The following MBD6 variants were observed in gnomAD, a reference collection of about 807,000 sequenced individuals.
MBD6 encodes methyl-CpG binding domain protein 6.
In MBD6, 22 loss-of-function variants were observed where a neutral mutation model predicts 66.8. That is an observed-to-expected ratio of 0.33 (90% CI 0.24 to 0.47). The LOEUF (loss-of-function observed/expected upper bound fraction) is 0.47, where lower values mean the gene tolerates loss of function less well. Ranked by LOEUF, MBD6 falls within the 20% of genes least tolerant of loss-of-function variation. The pLI, the probability that MBD6 is intolerant of heterozygous loss-of-function variation, is 1.00. For synonymous variants in MBD6, 540 were observed against 534.6 expected, an observed-to-expected ratio of 1.01 and a Z score of -0.14; for missense variants, 1,322 against 1,286.9, an observed-to-expected ratio of 1.03 and a Z score of -0.42.
rs769079831 is a variant in MBD6 at position 57,528,475 on chromosome 12, A to G, written c.2735A>G (p.His912Arg). 2.5e-6 allele frequency: 4 copies of G among 1,613,852 alleles called. No individual in the cohort carries two copies. In the East Asian group the frequency reaches 6.7e-5, roughly 27 times the overall value. Reference sequence around the variant, plus strand: ...GAAAGGTCCCCAAGAAGAACCCACCATTGGCAGCATAATGGGGAGCTGGCT... The same window carrying G: ...GAAAGGTCCCCAAGAAGAACCCACCGTTGGCAGCATAATGGGGAGCTGGCT... ...QMERSPRRTH[H>R]WQHNGELAEG... The change falls in exon 10 of 13, where the codon CAT becomes CGT. Residue 912 changes from histidine (H) to arginine (R), a missense_variant. Coordinates refer to ENST00000355673, the MANE Select transcript of MBD6 (RefSeq NM_052897.4).
At position 57,529,431 on chromosome 12, in the gene MBD6, A is replaced by ACCCCCCCCCCCCCCCCCC. The variant is rs1459762262; in HGVS notation, c.*204_*205insCCCCCCCCCCCCCCCCCC. The ACCCCCCCCCCCCCCCCCC allele has an allele frequency of 2.6e-6, 1 of 387,854 alleles. No homozygotes were observed. Among genetic ancestry groups the ACCCCCCCCCCCCCCCCCC allele is most frequent in the Admixed American group, 4.2e-5 (1 of 23,714 alleles). The allele number at this position is 387,854 out of a possible 1,614,324, so 24.0% of individuals were successfully genotyped here. ...GCAGGGAAGTTCACCCCCCCCCACCACCCCCCCGCCCCCCCGAAGCCATGT... is the reference window on the plus strand; with the variant it reads ...GCAGGGAAGTTCACCCCCCCCCACCACCCCCCCCCCCCCCCCCCCCCCCCCGCCCCCCCGAAGCCATGT... On this transcript the variant is annotated 3_prime_UTR_variant, in exon 13 of 13. Coordinates refer to ENST00000355673, the MANE Select transcript of MBD6 (RefSeq NM_052897.4).
Position 57,525,894 on chromosome 12 carries a change from C to T in MBD6, c.926C>T (p.Thr309Met), listed in dbSNP as rs375142933. The part of the protein sequence containing the change: ...LVLGPLGGAP[T>M]VEGPGAPPFL... ...CTGGGGCCCCTGGGAGGGGCCCCCA[C>T]GGTGGAGGGGCCTGGGGCACCCCCC... Residue 309 changes from threonine to methionine, a missense_variant, in exon 6 of 13, where the codon ACG becomes ATG. By Grantham distance (81) the Thr-to-Met change is moderately conservative (BLOSUM62 -1). Coordinates refer to ENST00000355673, the MANE Select transcript of MBD6 (RefSeq NM_052897.4). 109 of 1,612,742 alleles carry T rather than the reference C, an allele frequency of 6.8e-5. No individual in the cohort carries two copies. The Middle Eastern group carries it at 8.2e-4, about 12-fold the overall frequency.
chr12:57,526,209 C>A lies in MBD6; in HGVS notation c.1241C>A (p.Ser414Tyr). 6.2e-7 allele frequency: 1 copy of A among 1,614,168 alleles called. No homozygotes were observed. Among genetic ancestry groups the A allele is most frequent in the Non-Finnish European group, 8.5e-7 (1 of 1,180,030 alleles). Residue 414 changes from serine (S) to tyrosine (Y), a missense_variant, in exon 6 of 13, where the codon TCC becomes TAC. Coordinates refer to ENST00000355673, the MANE Select transcript of MBD6 (RefSeq NM_052897.4). ...CAACCAATTCTCCCTTCTGTGCTGTCCCTGCTGGGACTCCCCACCCCTGGC... is the reference window on the plus strand; with the variant it reads ...CAACCAATTCTCCCTTCTGTGCTGTACCTGCTGGGACTCCCCACCCCTGGC... ...PSQPILPSVL[S>Y]LLGLPTPGPS...
Position 57,526,713 on chromosome 12 carries a change from C to G in MBD6, c.1568C>G (p.Pro523Arg). The G allele has an allele frequency of 6.4e-7, 1 of 1,550,602 alleles. No homozygotes were observed. Among genetic ancestry groups the G allele is most frequent in the Non-Finnish European group, 8.7e-7 (1 of 1,146,996 alleles). Residue 523 changes from proline to arginine, a missense_variant, in exon 7 of 13, where the codon CCT (proline) becomes CGT (arginine). Transcript: ENST00000355673. The part of the protein sequence containing the change: ...AGGEAFPFPS[P>R]EQGLALSGAG... ...GGAGAGGCTTTCCCTTTCCCCAGCCCTGAGCAGGGCCTGGCACTGAGTGGA... is the reference window on the plus strand; with the variant it reads ...GGAGAGGCTTTCCCTTTCCCCAGCCGTGAGCAGGGCCTGGCACTGAGTGGA...
chr12:57,529,223 C>G lies in MBD6; in HGVS notation c.3001C>G (p.Leu1001Val), dbSNP rs1306104943. ...TCCTGCCAAAAACAAGAGGAGGAAA[C>G]TGGCCCCATAGCAGCCATACCTGGA... ...GRPAKNKRRK[L>V]AP Residue 1001 changes from leucine to valine, a missense_variant, in exon 13 of 13, where the codon CTG (leucine) becomes GTG (valine). By Grantham distance (32) the Leu-to-Val change is conservative. Coordinates refer to ENST00000355673, the MANE Select transcript of MBD6 (RefSeq NM_052897.4). 7 of 1,613,986 alleles carry G rather than the reference C, an allele frequency of 4.3e-6. 1 individual carries two copies. The African/African-American group carries it at 6.7e-5, about 15-fold the overall frequency.
Position 57,526,262 on chromosome 12 carries a change from C to G in MBD6, c.1294C>G (p.Leu432Val). The change falls in exon 6 of 13, where the codon CTT (leucine) becomes GTT (valine). Residue 432 changes from leucine (L) to valine (V), a missense_variant. Leu to Val is a conservative substitution (Grantham distance 32). Coordinates refer to ENST00000355673, the MANE Select transcript of MBD6 (RefSeq NM_052897.4). ...GPSHSDGSFN[L>V]LGSDAHLPPP... ...TTCCCACTCTGATGGAAGCTTTAAC[C>G]TTTTGGGGTCAGATGCACACCTTCC... 1 of 1,613,980 alleles carries G rather than the reference C, an allele frequency of 6.2e-7. No homozygotes were observed.
downstream of MBD6, chr12:57,530,573 C>T: frequency 1.1e-6 from 1 of 886,864 alleles, no homozygotes; most frequent in Non-Finnish European, 1.8e-6. Flanking sequence ...ACCCTTGCCC[C>T]CAGTGTCAAA....
chr12:57,527,075 G>A lies in MBD6; in HGVS notation c.1930G>A (p.Gly644Arg). The A allele has an allele frequency of 1.2e-6, 2 of 1,602,930 alleles. No individual in the cohort carries two copies. Among genetic ancestry groups the A allele is most frequent in the South Asian group, 1.1e-5 (1 of 90,056 alleles). ...TAGDGEGSAEGAGGPSGEPFS... is the reference protein window; with the variant it reads ...TAGDGEGSAERAGGPSGEPFS... ...TGGGGATGGGGAGGGATCTGCAGAG[G>A]GAGCCGGGGGTCCAAGTGGGGAGCC... The change falls in exon 7 of 13, where the codon GGA becomes AGA. Residue 644 changes from glycine to arginine, a missense_variant. By Grantham distance (125) the Gly-to-Arg change is moderately radical. Transcript: ENST00000355673.
chr12:57,523,672 T>G (rs2140068753), intron 1 of MBD6, among the ~76,000 whole-genome samples: 1 of 152,278 alleles, frequency 6.6e-6, no homozygotes, highest in African/African-American at 2.4e-5. Context: ...TCTTCCTGGG[T>G]AGAGAACAAC....
downstream of MBD6, chr12:57,530,541 A>G (rs1565674395): frequency 2.9e-6 from 2 of 679,002 alleles, no homozygotes; most frequent in Admixed American, 5.6e-5. Context: ...GGGGAGGGGT[A>G]TAAACCCCAC....
chr12:57,531,131 T>C (rs1187163306), downstream of MBD6, among the ~76,000 whole-genome samples: 1 of 152,206 alleles, frequency 6.6e-6, no homozygotes, highest in African/African-American at 2.4e-5. Context: ...CTAAGTCCTT[T>C]ATATATTTTT....
rs775580349 is a variant in MBD6, at chr12:57,526,174, G to A, written c.1206G>A (p.Pro402=). 35 of 1,613,906 alleles carry A rather than the reference G, an allele frequency of 2.2e-5. 1 individual carries two copies. The Admixed American group carries it at 2.3e-4, about 11-fold the overall frequency. Residue 402 remains proline, a synonymous_variant, in exon 6 of 13, where the codon CCG becomes CCA. Transcript: ENST00000355673. The part of the protein sequence containing the change: ...PAPVPQPFSL[P]EPSQPILPSV... ...CTGTCCCCCAACCCTTTTCTCTCCC[G>A]GAGCCATCCCAACCAATTCTCCCTT...
At chr12:57,521,044 C>A (rs778019832), upstream of MBD6, 1 of 152,464 alleles carries the variant, frequency 6.6e-6, no homozygotes, top group Non-Finnish European at 1.5e-5. Flanking sequence ...GCCGTTTTAC[C>A]CCCACTATAA....
Position 57,527,150 on chromosome 12 carries a change from G to GC in MBD6, c.2012dup (p.Thr672TyrfsTer45), listed in dbSNP as rs750430563. 26 of 1,533,804 alleles carry GC rather than the reference G, an allele frequency of 1.7e-5. No homozygotes were observed. Among genetic ancestry groups the GC allele is most frequent in the East Asian group, 4.5e-5 (2 of 44,084 alleles). On this transcript the variant is annotated frameshift_variant, in exon 7 of 13. Transcript: ENST00000355673. LOFTEE classifies it high-confidence loss of function. ...CCCCCTACTTTTCCCCCCACTTTCA[G>GC]CCCCCCCTACCCTCATAGCTTTAAA...
rs925832000 is a variant in MBD6, at chr12:57,530,021, C to CCTTTT, written c.*793_*797dup. On this transcript the variant is annotated 3_prime_UTR_variant, in exon 13 of 13. Coordinates refer to ENST00000355673, the MANE Select transcript of MBD6 (RefSeq NM_052897.4). ...CCAGCTGTCCAGGGGCTGCCTCCTGCCTTTTCTTTTGTAAAGACAAGACCC... is the reference window on the plus strand; with the variant it reads ...CCAGCTGTCCAGGGGCTGCCTCCTGCCTTTTCTTTTCTTTTGTAAAGACAAGACCC... The CCTTTT allele has an allele frequency of 2.0e-5, 3 of 152,636 alleles. No homozygotes were observed. The highest frequency in any genetic ancestry group is 7.2e-5 in the African/African-American group (3 of 41,448). 9.5% of individuals were successfully genotyped at this position (152,636 alleles called of 1,614,324 possible). A position where few individuals can be genotyped will look rare whatever the true frequency, so the allele number is the denominator to read the frequency against.
rs1159403723 is a variant in MBD6 at position 57,525,564 on chromosome 12, G to A, written c.596G>A (p.Ser199Asn). ...GACCCAGTCCCTTCTGGGGGCAGTAGCAGCCCCCGTTTCCTCCCAAGGGGC... is the reference window on the plus strand; with the variant it reads ...GACCCAGTCCCTTCTGGGGGCAGTAACAGCCCCCGTTTCCTCCCAAGGGGC... The part of the protein sequence containing the change: ...LADPVPSGGS[S>N]SPRFLPRGNA... The change falls in exon 6 of 13, where the codon AGC (serine) becomes AAC (asparagine). Residue 199 changes from serine (S) to asparagine (N), a missense_variant. Ser to Asn is a conservative substitution (Grantham distance 46). Transcript: ENST00000355673. The A allele has an allele frequency of 6.2e-7, 1 of 1,608,506 alleles. No individual in the cohort carries two copies. Among genetic ancestry groups the A allele is most frequent in the Non-Finnish European group, 8.5e-7 (1 of 1,176,974 alleles).
intron 1 of MBD6, 63 bp downstream of exon 1, chr12:57,523,074 C>G (rs1319434206): frequency 2.1e-5 from 3 of 144,950 alleles, no homozygotes; most frequent in Admixed American, 1.4e-4. Context: ...CCCTCTGCCC[C>G]CTCCGCGTCC....
In MBD6 at chr12:57,526,548, T is replaced by G. The variant is rs1321986826; in HGVS notation, c.1421-18T>G. Reference sequence around the variant, plus strand: ...AGAAAGGGCCTCCCTTGAGCTGAATTTCTCTCCTCTTTTACAGGTGCCCCT... The same window carrying G: ...AGAAAGGGCCTCCCTTGAGCTGAATGTCTCTCCTCTTTTACAGGTGCCCCT... On this transcript the variant is annotated intron_variant, in intron 6 of 12. Coordinates refer to ENST00000355673, the MANE Select transcript of MBD6 (RefSeq NM_052897.4). The G allele has an allele frequency of 2.0e-6, 3 of 1,510,638 alleles. No individual in the cohort carries two copies. In the South Asian group the frequency reaches 4.1e-5, roughly 21 times the overall value. The allele number at this position is 1,510,638 out of a possible 1,614,324, so 93.6% of individuals were successfully genotyped here.
At position 57,525,073 on chromosome 12, in the gene MBD6, C is replaced by A. The variant is rs756201996; in HGVS notation, c.337C>A (p.Leu113Met). Residue 113 changes from leucine (L) to methionine (M), a missense_variant, in exon 5 of 13, where the codon CTG becomes ATG. By Grantham distance (15) the Leu-to-Met change is conservative. Coordinates refer to ENST00000355673, the MANE Select transcript of MBD6 (RefSeq NM_052897.4). ...GCGGAAAGCTGTTGCTATGGCAACT[C>A]TGTACCGCAGCATGGAGACCACCTG... ...HRRKAVAMAT[L>M]YRSMETTCSH... 2 of 1,612,748 alleles carry A rather than the reference C, an allele frequency of 1.2e-6. No homozygotes were observed. The highest frequency in any genetic ancestry group is 2.2e-5 in the South Asian group (2 of 91,024).
Sources: gnomAD v4.1 joint callset for allele counts (sites outside exome capture counted in the v4.1 genomes callset) on GRCh38, gnomAD v4.1.1 for gene constraint, MANE v1.5 for transcripts, NCBI Gene and HGNC (gene_info 2026-07-23, HGNC 2026-07-21) for gene names.